Variants in ROBO2 observed in about 807,000 individuals in gnomAD.
The protein encoded by ROBO2 is roundabout guidance receptor 2, also known as roundabout homolog 2.
Under a neutral mutation model 160.8 loss-of-function variants are expected in ROBO2, and 53 were observed. That is an observed-to-expected ratio of 0.33 (90% CI 0.26 to 0.41). ROBO2 has a LOEUF of 0.41. Among genes scored for constraint, ROBO2 ranks in the 10% least tolerant of loss-of-function variants. The pLI, the probability that ROBO2 is intolerant of heterozygous loss-of-function variation, is 1.00. For synonymous variants in ROBO2, 664 were observed against 611.7 expected, an observed-to-expected ratio of 1.09 and a Z score of -1.26; for missense variants, 1,577 against 1,722.4, an observed-to-expected ratio of 0.92 and a Z score of 1.49.
chr3:77,050,093 G>T (rs189083729), intron 1 of ROBO2, among the ~76,000 whole-genome samples: 2 of 152,082 alleles, frequency 1.3e-5, no homozygotes, highest in Non-Finnish European at 2.9e-5. Flanking sequence ...AGATATATCC[G>T]ATTATTATAA....
chr3:76,824,064 C>A (rs1310082457), intron 2 of ROBO2, among the ~76,000 whole-genome samples: 1 of 152,154 alleles, frequency 6.6e-6, no homozygotes, highest in Non-Finnish European at 1.5e-5. Flanking sequence ...TGTGCCACCA[C>A]CCTTTAGGGC....
chr3:76,849,994 C>T (rs2069171993), intron 2 of ROBO2, among the ~76,000 whole-genome samples: 1 of 152,132 alleles, frequency 6.6e-6, no homozygotes, highest in Non-Finnish European at 1.5e-5. Flanking sequence ...CAAGACCATC[C>T]TGGCCAACAT....
chr3:76,645,968 T>C (rs1053587047), intron 2 of ROBO2, among the ~76,000 whole-genome samples: 3 of 152,134 alleles, frequency 2.0e-5, no homozygotes. Context: ...TTAAGTGGTT[T>C]GATTTGAAGA....
intron 2 of ROBO2, among the ~76,000 whole-genome samples, chr3:76,640,370 A>G (rs374615821): frequency 6.6e-6 from 1 of 152,074 alleles, no homozygotes; most frequent in East Asian, 1.9e-4. Flanking sequence ...GTCTCTACTA[A>G]AAATACAAAA....
chr3:76,496,140 TTAAA>T (rs2080135484), intron 2 of ROBO2, among the ~76,000 whole-genome samples: 1 of 152,222 alleles, frequency 6.6e-6, no homozygotes, highest in African/African-American at 2.4e-5. Flanking sequence ...GTTGTAACAG[TTAAA>T]TAGATTCATC....
At chr3:77,215,878 G>A (rs1377060950) in intron 2 of ROBO2, among the ~76,000 whole-genome samples, 1 of 152,236 alleles carries the variant, frequency 6.6e-6, no homozygotes, top group African/African-American at 2.4e-5. Flanking sequence ...ATCAGCAGCG[G>A]AGGCTGCAGA....
chr3:77,095,757 T>C (rs2070967929), intron 1 of ROBO2, among the ~76,000 whole-genome samples: 2 of 152,234 alleles, frequency 1.3e-5, no homozygotes, highest in Admixed American at 1.3e-4. Flanking sequence ...CATGTTTAAA[T>C]ACTTTGGGGT....
intron 2 of ROBO2, among the ~76,000 whole-genome samples, chr3:77,166,351 A>AAT (rs1223404194): frequency 2.0e-5 from 3 of 152,188 alleles, no homozygotes; most frequent in Non-Finnish European, 2.9e-5. Context: ...ATATTGATAT[A>AAT]ATCTTATTAT....
intron 2 of ROBO2, among the ~76,000 whole-genome samples, chr3:76,528,264 C>T (rs1050903010): frequency 6.6e-6 from 1 of 152,018 alleles, no homozygotes; most frequent in Non-Finnish European, 1.5e-5. Context: ...AATGGGAGCC[C>T]TGTGACTGAG....
At chr3:76,076,548 A>C (rs898403248) in intron 2 of ROBO2, among the ~76,000 whole-genome samples, 1 of 152,216 alleles carries the variant, frequency 6.6e-6, no homozygotes, top group Non-Finnish European at 1.5e-5. Context: ...GCTAGTAATT[A>C]ACAGTATTTA....
intron 2 of ROBO2, among the ~76,000 whole-genome samples, chr3:77,140,553 C>T (rs1171281226): frequency 1.3e-5 from 2 of 152,102 alleles, no homozygotes. Context: ...TAACTGGGTG[C>T]TAAAAGCCTA....
At chr3:77,464,757 A>G (rs1163472465) in intron 2 of ROBO2, among the ~76,000 whole-genome samples, 2 of 152,298 alleles carry the variant, frequency 1.3e-5, no homozygotes, top group African/African-American at 2.4e-5. Flanking sequence ...GAAAATGAAA[A>G]GTCTGTTAGT....
At chr3:76,304,407 C>A (rs528816629) in intron 2 of ROBO2, among the ~76,000 whole-genome samples, 1 of 152,076 alleles carries the variant, frequency 6.6e-6, no homozygotes, top group Non-Finnish European at 1.5e-5. Flanking sequence ...GAAATAACGA[C>A]GTAATTAATG....
intron 2 of ROBO2, among the ~76,000 whole-genome samples, chr3:76,181,911 C>T (rs909332926): frequency 6.6e-6 from 1 of 152,088 alleles, no homozygotes; most frequent in African/African-American, 2.4e-5. Flanking sequence ...CCATTTTCCC[C>T]TTGTGTATTT....
chr3:76,787,291 A>C (rs9815013), intron 2 of ROBO2, among the ~76,000 whole-genome samples: 1,532 of 149,418 alleles, frequency 0.01, 21 homozygotes, highest in African/African-American at 0.035. Flanking sequence ...ACAACATGTG[A>C]AGTTTGAATT....
intron 2 of ROBO2, among the ~76,000 whole-genome samples, chr3:76,825,010 T>C: frequency 6.6e-6 from 1 of 152,210 alleles, no homozygotes; most frequent in East Asian, 1.9e-4. Flanking sequence ...GCTTCTCAAC[T>C]TCTCAGGGAG....
In ROBO2 at chr3:75,956,284, C is replaced by T. The variant is rs560676563; in HGVS notation, c.109+18682C>T. On this transcript the variant is annotated intron_variant, in intron 2 of 26. Transcript: ENST00000487694. Reference sequence around the variant, plus strand: ...GTAGTACAACTATGTACTCTGTGTCCGTCCTAGTAGCTATATTGCTGGGAT... The same window carrying T: ...GTAGTACAACTATGTACTCTGTGTCTGTCCTAGTAGCTATATTGCTGGGAT... 3.3e-5 allele frequency among the ~76,000 whole-genome samples: 5 copies of T among 151,806 alleles called. No individual in the cohort carries two copies. In the South Asian group the frequency reaches 1.0e-3, roughly 32 times the overall value.
Position 77,125,271 on chromosome 3 carries a change from A to T in ROBO2, c.388+26931A>T, listed in dbSNP as rs552490151. Among the ~76,000 whole-genome samples, 10 of 152,254 alleles carry T rather than the reference A, an allele frequency of 6.6e-5. No homozygotes were observed. In the East Asian group the frequency reaches 1.9e-3, roughly 29 times the overall value. On this transcript the variant is annotated intron_variant, in intron 2 of 25. Transcript: ENST00000461745. ...ATCACAGTCACATGAGTGTCTGTGG[A>T]TTTCTGCTTCTAAGGGTGCTGTTTA...
chr3:76,747,072 T>A (rs1489401690), intron 2 of ROBO2, among the ~76,000 whole-genome samples: 2 of 152,154 alleles, frequency 1.3e-5, no homozygotes, highest in Non-Finnish European at 2.9e-5. Context: ...TTTGGGTTGA[T>A]TCCATGTCTT....
Sources: allele counts gnomAD v4.1 joint callset (sites outside exome capture counted in the v4.1 genomes callset), GRCh38; gene constraint gnomAD v4.1.1; transcripts MANE v1.5; gene names NCBI Gene and HGNC (gene_info 2026-07-23, HGNC 2026-07-21).